Variants in PPM1D observed in about 807,000 individuals in gnomAD.
PPM1D encodes protein phosphatase 1D.
A neutral mutation model predicts 58.3 loss-of-function variants in PPM1D; 52 were observed. The ratio of observed to expected loss-of-function variants is 0.89; its 90% confidence interval spans 0.71 to 1.12. The LOEUF (loss-of-function observed/expected upper bound fraction) is 1.12. Ranked by LOEUF, PPM1D falls within the 50% of genes most tolerant of loss-of-function variation. The probability of loss-of-function intolerance (pLI) is 0.00; values close to 1 mark genes in which losing one functional copy is unlikely to be tolerated. For missense variants in PPM1D, 564 were observed against 777.2 expected, an observed-to-expected ratio of 0.73 and a Z score of 3.26; for synonymous variants, 278 against 285.1, an observed-to-expected ratio of 0.98 and a Z score of 0.25.
chr17:60,638,319 A>C (rs917405412), intron 3 of PPM1D, among the ~76,000 whole-genome samples: 13 of 152,172 alleles, frequency 8.5e-5, no homozygotes, highest in African/African-American at 3.1e-4. Flanking sequence ...TATTTAAGCT[A>C]AAAAGGCTTT....
intron 5 of PPM1D, among the ~76,000 whole-genome samples, 155 bp from the exon 6 acceptor site, chr17:60,662,840 A>G (rs1005494137): frequency 1.3e-5 from 2 of 152,214 alleles, no homozygotes; most frequent in African/African-American, 4.8e-5. Context: ...AAACCTTAAC[A>G]CATAGTTCAG....
intron 1 of PPM1D, among the ~76,000 whole-genome samples, chr17:60,614,596 G>A (rs1220445901): frequency 2.0e-5 from 3 of 152,098 alleles, no homozygotes; most frequent in Non-Finnish European, 2.9e-5. Context: ...CTTCCACACC[G>A]TGGAAGCTTA....
At chr17:60,618,829 A>G (rs2030637542) in intron 1 of PPM1D, among the ~76,000 whole-genome samples, 1 of 152,338 alleles carries the variant, frequency 6.6e-6, no homozygotes, top group Non-Finnish European at 1.5e-5. Flanking sequence ...GTATGTATAC[A>G]TTGTGAAATG....
At chr17:60,618,886 A>G (rs1247397109) in intron 1 of PPM1D, among the ~76,000 whole-genome samples, 1 of 152,116 alleles carries the variant, frequency 6.6e-6, no homozygotes, top group Non-Finnish European at 1.5e-5. Context: ...TCACATAGTT[A>G]CCTTTTTTTG....
intron 1 of PPM1D, among the ~76,000 whole-genome samples, chr17:60,611,803 C>T (rs542890068): frequency 3.3e-5 from 5 of 152,192 alleles, no homozygotes; most frequent in South Asian, 2.1e-4. Flanking sequence ...CTCTTCACTT[C>T]GTGATGTTTA....
chr17:60,616,318 AAAG>A (rs2030584044), intron 1 of PPM1D, among the ~76,000 whole-genome samples: 1 of 151,956 alleles, frequency 6.6e-6, no homozygotes, highest in Non-Finnish European at 1.5e-5. Flanking sequence ...ACTAAAAAGA[AAAG>A]AAAAAGGCCA....
chr17:60,637,848 G>C (rs2031055568), intron 3 of PPM1D, among the ~76,000 whole-genome samples: 1 of 152,184 alleles, frequency 6.6e-6, no homozygotes, highest in Non-Finnish European at 1.5e-5. Flanking sequence ...ACTAACAGCT[G>C]TAAGTCAAAT....
At chr17:60,611,604 A>C (rs1233492028) in intron 1 of PPM1D, among the ~76,000 whole-genome samples, 1 of 151,938 alleles carries the variant, frequency 6.6e-6, no homozygotes, top group Non-Finnish European at 1.5e-5. Flanking sequence ...TTTTTTGTAG[A>C]AATGGGGTTT....
At chr17:60,629,455 C>G (rs1032168947) in intron 2 of PPM1D, among the ~76,000 whole-genome samples, 2 of 152,216 alleles carry the variant, frequency 1.3e-5, no homozygotes, top group Non-Finnish European at 2.9e-5. Context: ...GTGGCATACT[C>G]TATTTCCTGC....
chr17:60,603,511 C>G (rs555803298), intron 1 of PPM1D, among the ~76,000 whole-genome samples: 1 of 152,288 alleles, frequency 6.6e-6, no homozygotes, highest in East Asian at 1.9e-4. Context: ...GCCTGTAATC[C>G]CAGCACTTTG....
intron 4 of PPM1D, among the ~76,000 whole-genome samples, 183 bp downstream of exon 4, chr17:60,648,265 T>C (rs2031283035): frequency 6.6e-6 from 1 of 152,144 alleles, no homozygotes; most frequent in African/African-American, 2.4e-5. Flanking sequence ...ACAAGAAATA[T>C]ATAACCGAAG....
intron 3 of PPM1D, among the ~76,000 whole-genome samples, chr17:60,643,523 A>G (rs1384211793): frequency 6.6e-6 from 1 of 152,248 alleles, no homozygotes; most frequent in African/African-American, 2.4e-5. Context: ...TGATTCATTC[A>G]GGAATCATCA....
intron 1 of PPM1D, among the ~76,000 whole-genome samples, chr17:60,614,026 G>C (rs368152623): frequency 5.0e-5 from 2 of 39,648 alleles, no homozygotes; most frequent in South Asian, 5.6e-3. Context: ...GAGTGTGGGC[G>C]CAAGGCCCGG....
At chr17:60,620,018 A>T (rs994000462) in intron 1 of PPM1D, among the ~76,000 whole-genome samples, 3 of 134,494 alleles carry the variant, frequency 2.2e-5, no homozygotes, top group African/African-American at 1.1e-4. Flanking sequence ...TTTTGTTTTG[A>T]GACAGAGTCT....
intron 1 of PPM1D, among the ~76,000 whole-genome samples, chr17:60,606,360 G>A (rs1193057645): frequency 6.6e-6 from 1 of 152,174 alleles, no homozygotes; most frequent in Non-Finnish European, 1.5e-5. Context: ...GAACATTGGT[G>A]TACAAGCATT....
chr17:60,663,131 T>C lies in PPM1D; in HGVS notation c.1397T>C (p.Ile466Thr), dbSNP rs572271446. 1.6e-5 allele frequency: 26 copies of C among 1,614,164 alleles called. No homozygotes were observed. The South Asian group carries it at 2.9e-4, about 18-fold the overall frequency. Reference protein sequence around the residue: ...IARENVQGVVIPSKDPEPLEE... With the variant: ...IARENVQGVVTPSKDPEPLEE... ...CGAGAGAATGTCCAAGGTGTAGTCA[T>C]ACCCTCAAAAGATCCAGAACCACTT... The change falls in exon 6 of 6, where the codon ATA becomes ACA. Residue 466 changes from isoleucine to threonine, a missense_variant. Physicochemically the swap from Ile to Thr is moderately conservative, Grantham distance 89 (BLOSUM62 -1). Coordinates refer to ENST00000305921, the MANE Select transcript of PPM1D (RefSeq NM_003620.4).
In PPM1D at chr17:60,663,422, C is replaced by T; in HGVS notation, c.1688C>T (p.Pro563Leu). ...TTAAGTCGAAGTAGTGGTGCTCAGCCTGCAAGTCTCCCCACAACCTCACAG... is the reference window on the plus strand; with the variant it reads ...TTAAGTCGAAGTAGTGGTGCTCAGCTTGCAAGTCTCCCCACAACCTCACAG... ...NGLSRSSGAQ[P>L]ASLPTTSQRK... is the part of the protein sequence containing the mutation. The change falls in exon 6 of 6, where the codon CCT becomes CTT. Residue 563 changes from proline to leucine, a missense_variant. By Grantham distance (98) the Pro-to-Leu change is moderately conservative. Transcript: ENST00000305921. 1 of 1,614,186 alleles carries T rather than the reference C, an allele frequency of 6.2e-7. No homozygotes were observed. Among genetic ancestry groups the T allele is most frequent in the Non-Finnish European group, 8.5e-7 (1 of 1,180,038 alleles).
chr17:60,648,199 G>T, intron 4 of PPM1D, 117 bp downstream of exon 4: 1 of 1,062,026 alleles, frequency 9.4e-7, no homozygotes, highest in Non-Finnish European at 1.3e-6. Context: ...CATTTGCCTT[G>T]ATCTGCTAGT....
In PPM1D at chr17:60,600,480, G is replaced by A. The variant is rs768053644; in HGVS notation, c.66G>A (p.Glu22=). Residue 22 remains glutamate (E), a synonymous_variant, in exon 1 of 6, where the codon GAG becomes GAA. Transcript: ENST00000305921. ...ACCAGGGCGGGAGGAAGTACATGGA[G>A]GACGTTACTCAAATCGTTGTGGAGC... ...FSDQGGRKYM[E]DVTQIVVEPE... is the part of the protein sequence containing the mutation. The A allele has an allele frequency of 6.3e-7, 1 of 1,574,804 alleles. No homozygotes were observed. Among genetic ancestry groups the A allele is most frequent in the Non-Finnish European group, 8.6e-7 (1 of 1,160,398 alleles).
Sources: allele counts gnomAD v4.1 joint callset (sites outside exome capture counted in the v4.1 genomes callset), GRCh38; gene constraint gnomAD v4.1.1; transcripts MANE v1.5; gene names NCBI Gene and HGNC (gene_info 2026-07-23, HGNC 2026-07-21).